The following VSTM4 variants were observed in gnomAD, a reference collection of about 807,000 sequenced individuals.
The protein encoded by VSTM4 is V-set and transmembrane domain containing 4, also known as V-set and transmembrane domain-containing protein 4.
Under a neutral mutation model 36.4 loss-of-function variants are expected in VSTM4, and 20 were observed. That is an observed-to-expected ratio of 0.55 (90% CI 0.39 to 0.80). The LOEUF (loss-of-function observed/expected upper bound fraction) is 0.80. Among genes scored for constraint, VSTM4 ranks in the 30% least tolerant of loss-of-function variants. The pLI is 0.00. For missense variants in VSTM4, 392 were observed against 404.5 expected (o/e 0.97, Z 0.26); for synonymous variants, 182 against 173.9 (o/e 1.05, Z -0.37).
At chr10:49,026,227 G>A (rs372654225) in intron 7 of VSTM4, among the ~76,000 whole-genome samples, 4 of 152,156 alleles carry the variant, frequency 2.6e-5, no homozygotes, top group East Asian at 3.9e-4. Context: ...AGTGTCTGCC[G>A]CCTCAATGAA....
At chr10:49,051,459 G>A (rs1843697279) in intron 5 of VSTM4, among the ~76,000 whole-genome samples, 5 of 146,458 alleles carry the variant, frequency 3.4e-5, no homozygotes, top group Admixed American at 2.1e-4. Context: ...GCAATGGCAC[G>A]ATGTCAGCTC....
intron 4 of VSTM4, among the ~76,000 whole-genome samples, chr10:49,070,537 C>G (rs1401269675): frequency 6.6e-6 from 1 of 152,168 alleles, no homozygotes; most frequent in South Asian, 2.1e-4. Flanking sequence ...GAAGGATGAG[C>G]CCTGCACATG....
intron 5 of VSTM4, among the ~76,000 whole-genome samples, chr10:49,051,477 C>A (rs1843697593): frequency 6.6e-6 from 1 of 150,672 alleles, no homozygotes; most frequent in South Asian, 2.1e-4. Flanking sequence ...CTCACTGCAA[C>A]CTCCGCCTCC....
chr10:49,088,851 T>C (rs1480325498), intron 2 of VSTM4, among the ~76,000 whole-genome samples: 1 of 152,152 alleles, frequency 6.6e-6, no homozygotes, highest in Non-Finnish European at 1.5e-5. Context: ...AGGAGCTTGG[T>C]TTCCAGGAGG....
Position 49,037,059 on chromosome 10 carries a change from T to C in VSTM4, c.837+9924A>G, listed in dbSNP as rs564529813. On this transcript the variant is annotated intron_variant, in intron 7 of 7. Coordinates refer to ENST00000332853, the MANE Select transcript of VSTM4 (RefSeq NM_001031746.5). ...TACATATACCTGGTTGACATACGGATGAGCTGTTCTGGAAAGGTTTGCAGG... is the reference window on the plus strand; with the variant it reads ...TACATATACCTGGTTGACATACGGACGAGCTGTTCTGGAAAGGTTTGCAGG... Among the ~76,000 whole-genome samples the C allele has an allele frequency of 8.5e-5, 13 of 152,334 alleles. No individual in the cohort carries two copies. The South Asian group carries it at 1.0e-3, about 12-fold the overall frequency.
At chr10:49,046,050 C>T (rs182931125) in intron 7 of VSTM4, among the ~76,000 whole-genome samples, 14 of 152,270 alleles carry the variant, frequency 9.2e-5, no homozygotes, top group African/African-American at 2.9e-4. Flanking sequence ...CACCCTCTCT[C>T]GCCTGCCTCC....
In VSTM4 at chr10:49,016,242, G is replaced by T. The variant is rs561233745; in HGVS notation, c.*3408C>A. Reference sequence around the variant, plus strand: ...CCAAAACCAGGATTTAAACAGCAGAGTAATTAGAGAGTTTATGGAAGAGAA... The same window carrying T: ...CCAAAACCAGGATTTAAACAGCAGATTAATTAGAGAGTTTATGGAAGAGAA... On this transcript the variant is annotated 3_prime_UTR_variant, in exon 8 of 8. Transcript: ENST00000332853. The T allele has an allele frequency of 6.6e-6, 1 of 152,356 alleles. No homozygotes were observed. Among genetic ancestry groups the T allele is most frequent in the African/African-American group, 2.4e-5 (1 of 41,570 alleles). The allele number at this position is 152,356 out of a possible 1,614,324, so 9.4% of individuals were successfully genotyped here.
intron 6 of VSTM4, among the ~76,000 whole-genome samples, chr10:49,047,946 C>G (rs1843639252): frequency 6.6e-6 from 1 of 152,226 alleles, no homozygotes; most frequent in African/African-American, 2.4e-5. Context: ...TCCTAATACT[C>G]TCGCAGTTCT....
intron 4 of VSTM4, among the ~76,000 whole-genome samples, chr10:49,070,626 G>A (rs1230970295): frequency 6.6e-6 from 1 of 152,208 alleles, no homozygotes; most frequent in Non-Finnish European, 1.5e-5. Flanking sequence ...AGCCCCAAGA[G>A]GTAAGAGGAA....
chr10:49,019,784 GA>G lies in VSTM4; in HGVS notation c.838-10del. The G allele has an allele frequency of 6.2e-7, 1 of 1,606,948 alleles. No individual in the cohort carries two copies. Among genetic ancestry groups the G allele is most frequent in the Non-Finnish European group, 8.5e-7 (1 of 1,176,358 alleles). On this transcript the variant is annotated splice_polypyrimidine_tract_variant and intron_variant, in intron 7 of 7. Transcript: ENST00000332853. Reference sequence around the variant, plus strand: ...TCCTCAGCAATCTTTGGCTATAAAAGAAAAAACAAAACAAAACACAATTCTA... The same window carrying G: ...TCCTCAGCAATCTTTGGCTATAAAAGAAAAACAAAACAAAACACAATTCTA...
chr10:49,035,194 A>T (rs940278958), intron 7 of VSTM4, among the ~76,000 whole-genome samples: 4 of 152,170 alleles, frequency 2.6e-5, no homozygotes, highest in African/African-American at 9.7e-5. Context: ...CCTCCAGCCC[A>T]GCACATCTCC....
intron 3 of VSTM4, among the ~76,000 whole-genome samples, chr10:49,082,828 C>T (rs1038014511): frequency 2.6e-5 from 4 of 152,250 alleles, no homozygotes; most frequent in Admixed American, 6.5e-5. Flanking sequence ...GACTCAACTG[C>T]AAGCTGCCAT....
chr10:49,098,227 T>G (rs1844608154), intron 2 of VSTM4, among the ~76,000 whole-genome samples: 1 of 152,200 alleles, frequency 6.6e-6, no homozygotes, highest in Non-Finnish European at 1.5e-5. Flanking sequence ...GCCTCAGCCT[T>G]CCTCACCAGC....
intron 7 of VSTM4, among the ~76,000 whole-genome samples, chr10:49,026,511 T>C (rs992603491): frequency 3.3e-5 from 5 of 152,100 alleles, no homozygotes; most frequent in African/African-American, 1.2e-4. Context: ...TAAAGTGAAA[T>C]ACATAAAATA....
At chr10:49,034,764 G>A (rs1222520403) in intron 7 of VSTM4, among the ~76,000 whole-genome samples, 3 of 150,912 alleles carry the variant, frequency 2.0e-5, no homozygotes, top group Non-Finnish European at 3.0e-5. Flanking sequence ...TTTCCAAAAT[G>A]GCACTTTATT....
At chr10:49,027,885 T>C (rs1843287427) in intron 7 of VSTM4, among the ~76,000 whole-genome samples, 1 of 152,222 alleles carries the variant, frequency 6.6e-6, no homozygotes, top group Non-Finnish European at 1.5e-5. Flanking sequence ...TATAGAGTTG[T>C]TATAAACGTT....
rs147323282 is a variant in VSTM4 at position 49,073,180 on chromosome 10, G to T, written c.634+4039C>A. 8.1e-3 allele frequency among the ~76,000 whole-genome samples: 1,228 copies of T among 152,276 alleles called. 51 individuals carry two copies. The South Asian group carries it at 0.12, about 15-fold the overall frequency. On this transcript the variant is annotated intron_variant, in intron 4 of 7. Transcript: ENST00000332853. ...CCTCATGGATCTACAGATCCATGCA[G>T]ATCTACCAGCAAATCTACCTGCCAA...
At position 49,107,868 on chromosome 10, in the gene VSTM4, G is replaced by C; in HGVS notation, c.183C>G (p.Arg61=). 1 of 1,614,232 alleles carries C rather than the reference G, an allele frequency of 6.2e-7. No homozygotes were observed. Among genetic ancestry groups the C allele is most frequent in the Non-Finnish European group, 8.5e-7 (1 of 1,180,036 alleles). ...AGTCGAAGGAGTGTGCAAAGAACCAGCGCACGGCCAGCAAGCTGTCCTTCC... is the reference window on the plus strand; with the variant it reads ...AGTCGAAGGAGTGTGCAAAGAACCACCGCACGGCCAGCAAGCTGTCCTTCC... ...KRRKDSLLAV[R]WFFAHSFDSQ... Residue 61 remains arginine, a synonymous_variant, in exon 2 of 8, where the codon CGC becomes CGG. Transcript: ENST00000332853.
At chr10:49,085,345 T>C (rs560286576) in intron 3 of VSTM4, among the ~76,000 whole-genome samples, 1 of 152,378 alleles carries the variant, frequency 6.6e-6, no homozygotes, top group Admixed American at 6.5e-5. Flanking sequence ...GGTCCAGGCA[T>C]TCATGTTCTT....
Sources: gnomAD v4.1 joint callset for allele counts (sites outside exome capture counted in the v4.1 genomes callset) on GRCh38, gnomAD v4.1.1 for gene constraint, MANE v1.5 for transcripts, NCBI Gene and HGNC (gene_info 2026-07-23, HGNC 2026-07-21) for gene names.